The following CHRM3 variants were observed in gnomAD, a reference collection of about 807,000 sequenced individuals.
The protein encoded by CHRM3 is cholinergic receptor muscarinic 3, also known as muscarinic acetylcholine receptor M3.
In CHRM3, 11 loss-of-function variants were observed where a neutral mutation model predicts 41.8. That is an observed-to-expected ratio of 0.26 (90% confidence interval 0.17 to 0.44). The LOEUF (loss-of-function observed/expected upper bound fraction) is 0.44. CHRM3 is among the 20% of genes least tolerant of loss of function. The probability of loss-of-function intolerance (pLI) is 1.00; values close to 1 mark genes in which losing one functional copy is unlikely to be tolerated. For synonymous variants in CHRM3, 297 were observed against 301.4 expected, an observed-to-expected ratio of 0.99 and a Z score of 0.15; for missense variants, 571 against 745.4, an observed-to-expected ratio of 0.77 and a Z score of 2.72.
At chr1:239,741,944 T>C (rs1664890887) in intron 5 of CHRM3, among the ~76,000 whole-genome samples, 1 of 152,162 alleles carries the variant, frequency 6.6e-6, no homozygotes, top group Non-Finnish European at 1.5e-5. Flanking sequence ...GTCAGCCCCA[T>C]GCATCGTATA....
intron 1 of CHRM3, among the ~76,000 whole-genome samples, chr1:239,465,496 G>A (rs1181359448): frequency 1.3e-5 from 2 of 152,168 alleles, no homozygotes; most frequent in Admixed American, 6.5e-5. Context: ...CAGCCACGCA[G>A]TCAGTTTAGA....
chr1:239,504,785 T>A (rs2148156711), intron 2 of CHRM3, among the ~76,000 whole-genome samples: 2 of 152,274 alleles, frequency 1.3e-5, no homozygotes. Flanking sequence ...GATTGGAGAC[T>A]ATTATTCTAA....
chr1:239,900,613 G>C (rs934429616), intron 6 of CHRM3, among the ~76,000 whole-genome samples: 9 of 152,002 alleles, frequency 5.9e-5, no homozygotes, highest in Non-Finnish European at 1.5e-5. Context: ...GTACAGCCTT[G>C]ATATGAATAG....
At chr1:239,587,906 T>G (rs74317173) in intron 3 of CHRM3, among the ~76,000 whole-genome samples, 2 of 152,232 alleles carry the variant, frequency 1.3e-5, no homozygotes, top group African/African-American at 4.8e-5. Flanking sequence ...ATGCTAATTA[T>G]ACTTTTATTA....
At chr1:239,592,242 T>C (rs2148644567) in intron 3 of CHRM3, among the ~76,000 whole-genome samples, 1 of 152,360 alleles carries the variant, frequency 6.6e-6, no homozygotes, top group East Asian at 1.9e-4. Context: ...AACTTTACTC[T>C]CAGAAATCTT....
At chr1:239,687,518 A>T (rs1286340855) in intron 5 of CHRM3, among the ~76,000 whole-genome samples, 1 of 152,174 alleles carries the variant, frequency 6.6e-6, no homozygotes, top group African/African-American at 2.4e-5. Context: ...CAAACTCTTT[A>T]ACATTGAACA....
intron 1 of CHRM3, among the ~76,000 whole-genome samples, chr1:239,420,339 A>T (rs145104291): frequency 6.6e-6 from 1 of 152,260 alleles, no homozygotes; most frequent in Non-Finnish European, 1.5e-5. Context: ...GGCACCAGAG[A>T]GCGTACGCTG....
chr1:239,901,647 A>G (rs1468142999), intron 6 of CHRM3, among the ~76,000 whole-genome samples: 1 of 152,172 alleles, frequency 6.6e-6, no homozygotes, highest in East Asian at 1.9e-4. Flanking sequence ...CTTACTTAAC[A>G]AAGTATTTTT....
intron 3 of CHRM3, among the ~76,000 whole-genome samples, chr1:239,611,416 C>CTTTTTTTTTT (rs75352638): frequency 1.0e-5 from 1 of 96,220 alleles, no homozygotes; most frequent in Non-Finnish European, 1.9e-5. Flanking sequence ...TTGCAAGTGA[C>CTTTTTTTTTT]TTTTTTTTTT....
chr1:239,576,272 CA>C (rs149587878), intron 3 of CHRM3, among the ~76,000 whole-genome samples: 52,349 of 151,608 alleles, frequency 0.35, 11,069 homozygotes, highest in East Asian at 0.6. Context: ...ACTCCCTACC[CA>C]CCCCCATCCC....
rs1558195407 is a variant in CHRM3 at position 239,404,396 on chromosome 1, GAAAGAAAGAAAGAAAAAGAAAGAAAGAA to G, written c.-521+17171_-521+17198del. 1.5e-3 allele frequency among the ~76,000 whole-genome samples: 98 copies of G among 64,516 alleles called. 2 individuals are homozygous for G. Among genetic ancestry groups the G allele is most frequent in the East Asian group, 6.9e-3 (15 of 2,160 alleles). 42.3% of individuals were successfully genotyped at this position (64,516 alleles called of 152,430 possible). A position where few individuals can be genotyped will look rare whatever the true frequency, so the allele number is the denominator to read the frequency against. On this transcript the variant is annotated intron_variant, in intron 1 of 6. Transcript: ENST00000676153. ...AGAAAGAAAGAAAGAAAGAAAGAAA[GAAAGAAAGAAAGAAAAAGAAAGAAAGAA>G]AGAAAGAAAGAAAGAAAGAAAGAAA...
chr1:239,429,972 T>C (rs768033359), intron 1 of CHRM3, among the ~76,000 whole-genome samples: 47 of 110,128 alleles, frequency 4.3e-4, no homozygotes, highest in Non-Finnish European at 7.5e-4. Context: ...ACCCAGACAA[T>C]CTTTTTTTTT....
intron 6 of CHRM3, among the ~76,000 whole-genome samples, chr1:239,839,868 A>G (rs115064672): frequency 0.015 from 2,214 of 152,170 alleles, 61 homozygotes; most frequent in African/African-American, 0.049. Context: ...GAAGTGAAGG[A>G]AAGAAAGGAA....
intron 1 of CHRM3, among the ~76,000 whole-genome samples, chr1:239,435,787 T>G (rs1027664060): frequency 1.3e-5 from 2 of 152,168 alleles, no homozygotes; most frequent in African/African-American, 4.8e-5. Context: ...TACACCATTC[T>G]TTTTTCTTTT....
intron 5 of CHRM3, among the ~76,000 whole-genome samples, chr1:239,763,665 T>C (rs756194481): frequency 1.3e-5 from 2 of 152,160 alleles, no homozygotes; most frequent in Non-Finnish European, 2.9e-5. Flanking sequence ...GAAAAAGTGC[T>C]GCCATGAACT....
At chr1:239,832,911 T>C (rs1363338261) in intron 6 of CHRM3, among the ~76,000 whole-genome samples, 1 of 152,228 alleles carries the variant, frequency 6.6e-6, no homozygotes, top group African/African-American at 2.4e-5. Context: ...GTCATCAATC[T>C]GTTCCCTTTA....
intron 2 of CHRM3, among the ~76,000 whole-genome samples, chr1:239,500,725 AC>A (rs560267317): frequency 3.3e-4 from 50 of 152,308 alleles, no homozygotes; most frequent in African/African-American, 1.2e-3. Context: ...AACAACAACA[AC>A]AACAAAGTAC....
chr1:239,591,276 C>T (rs965042846), intron 3 of CHRM3, among the ~76,000 whole-genome samples: 11 of 152,108 alleles, frequency 7.2e-5, no homozygotes, highest in Middle Eastern at 3.2e-3. Flanking sequence ...CTGTGACACA[C>T]GCTTCCATTA....
chr1:239,543,674 A>AT (rs1659008249), intron 2 of CHRM3, among the ~76,000 whole-genome samples: 2 of 151,782 alleles, frequency 1.3e-5, no homozygotes, highest in East Asian at 2.0e-4. Context: ...CGCCCGGCTA[A>AT]TTTTTTTGTA....
Sources: allele counts gnomAD v4.1 joint callset (sites outside exome capture counted in the v4.1 genomes callset), GRCh38; gene constraint gnomAD v4.1.1; transcripts MANE v1.5; gene names NCBI Gene and HGNC (gene_info 2026-07-23, HGNC 2026-07-21).